The following PPP1R27 variants were observed in gnomAD, a reference collection of about 807,000 sequenced individuals.
PPP1R27 encodes dysferlin interacting protein 1.
PPP1R27 carries 10 observed loss-of-function variants against 12.0 expected under a neutral mutation model. The observed-to-expected ratio is 0.84, with a 90% CI of 0.52 to 1.42. The LOEUF is 1.42. PPP1R27 is among the 40% of genes most tolerant of loss of function. The probability of loss-of-function intolerance (pLI) is 0.00; values close to 1 mark genes in which losing one functional copy is unlikely to be tolerated. For synonymous variants in PPP1R27, 98 were observed against 89.3 expected (o/e 1.10, Z -0.55); for missense variants, 246 against 215.3 (o/e 1.14, Z -0.89).
At chr17:81,834,444 G>T in intron 2 of PPP1R27, 59 bp downstream of exon 2, 1 of 1,576,708 alleles carries the variant, frequency 6.3e-7, no homozygotes, top group Non-Finnish European at 8.7e-7. Context: ...CCATCCTGGG[G>T]ACCCACTGAG....
intron 2 of PPP1R27, 61 bp from the exon 3 acceptor site, chr17:81,833,913 C>T (rs1038398995): frequency 3.8e-6 from 6 of 1,559,786 alleles, no homozygotes; most frequent in Admixed American, 3.8e-5. Flanking sequence ...CTCGCCCCAA[C>T]CCGGGTCAGA....
Position 81,835,050 on chromosome 17 carries a change from G to T in PPP1R27, c.-97C>A, listed in dbSNP as rs751682621. The T allele has an allele frequency of 9.3e-6, 12 of 1,293,034 alleles. No homozygotes were observed. The highest frequency in any genetic ancestry group is 1.2e-5 in the Non-Finnish European group (12 of 968,402). The allele number at this position is 1,293,034 out of a possible 1,614,324, so 80.1% of individuals were successfully genotyped here. On this transcript the variant is annotated 5_prime_UTR_variant, in exon 1 of 3. Transcript: ENST00000330261. The stretch of plus-strand genomic sequence containing the variant: ...CCAGATCAGCTTGAGGGCTCCTGTC[G>T]GACGAGCCCCGGCCTCTGACTTGCT...
At chr17:81,834,116 T>G (rs1385757045) in intron 2 of PPP1R27, 5 of 480,632 alleles carry the variant, frequency 1.0e-5, no homozygotes, top group Non-Finnish European at 1.8e-5. Flanking sequence ...TTTTTTTTGT[T>G]TTTTGAGACA....
chr17:81,833,503 G>C lies in PPP1R27; in HGVS notation c.*226C>G. On this transcript the variant is annotated 3_prime_UTR_variant, in exon 3 of 3. Transcript: ENST00000330261. ...CACCACCACAGGGACCACGTGTGTA[G>C]ACCCAGGCCCCCTCACCTGGGAGTC... 1 of 529,558 alleles carries C rather than the reference G, an allele frequency of 1.9e-6. No individual in the cohort carries two copies. The highest frequency in any genetic ancestry group is 2.2e-5 in the South Asian group (1 of 46,350). 32.8% of individuals were successfully genotyped at this position (529,558 alleles called of 1,614,324 possible).
chr17:81,834,530 C>A lies in PPP1R27; in HGVS notation c.314G>T (p.Cys105Phe), dbSNP rs777319997. The A allele has an allele frequency of 5.6e-6, 9 of 1,613,974 alleles. No individual in the cohort carries two copies. Among genetic ancestry groups the A allele is most frequent in the Non-Finnish European group, 6.8e-6 (8 of 1,179,960 alleles). Residue 105 changes from cysteine (C) to phenylalanine (F), a missense_variant, in exon 2 of 3, where the codon TGC (cysteine) becomes TTC (phenylalanine). Coordinates refer to ENST00000330261, the MANE Select transcript of PPP1R27 (RefSeq NM_001007533.4). ...GGCTATGTCAGGGTACCCATCGCTG[C>A]AGGCAATGTGCAGGGGTGTCCAGCC... ...EAGWTPLHIACSDGYPDIARY... is the reference protein window; with the variant it reads ...EAGWTPLHIAFSDGYPDIARY...
chr17:81,833,916 G>T, intron 2 of PPP1R27, 64 bp from the exon 3 acceptor site: 1 of 1,551,622 alleles, frequency 6.4e-7, no homozygotes, highest in African/African-American at 1.4e-5. Context: ...GCCCCAACCC[G>T]GGTCAGAGGG....
At chr17:81,834,267 A>AATT (rs1448881229) in intron 2 of PPP1R27, 1 of 522,444 alleles carries the variant, frequency 1.9e-6, no homozygotes, top group East Asian at 3.2e-5. Flanking sequence ...ACGCGTGGCT[A>AATT]ATTTTGTATT....
rs1156813076 is a variant in PPP1R27, at chr17:81,834,919, C to T, written c.35G>A (p.Ser12Asn). The stretch of plus-strand genomic sequence containing the variant: ...CATCCGCCGCCGCCGCTGCCGTGGG[C>T]TGTAGCGGGCATAGCGGGCAGTTCT... ...PSRTARYARY[S>N]PRQRRRRMLA... is the part of the protein sequence containing the mutation. The change falls in exon 1 of 3, where the codon AGC becomes AAC. Residue 12 changes from serine to asparagine, a missense_variant. By Grantham distance (46) the Ser-to-Asn change is conservative. Coordinates refer to ENST00000330261, the MANE Select transcript of PPP1R27 (RefSeq NM_001007533.4). The T allele has an allele frequency of 1.2e-6, 2 of 1,611,560 alleles. No homozygotes were observed. Among genetic ancestry groups the T allele is most frequent in the Non-Finnish European group, 1.7e-6 (2 of 1,179,188 alleles).
intron 2 of PPP1R27, 49 bp downstream of exon 2, chr17:81,834,454 G>T: frequency 6.3e-7 from 1 of 1,596,630 alleles, no homozygotes; most frequent in South Asian, 1.1e-5. Flanking sequence ...GACCCACTGA[G>T]GCCCGGAGGG....
At chr17:81,834,023 C>G in intron 2 of PPP1R27, 171 bp from the exon 3 acceptor site, 1 of 709,160 alleles carries the variant, frequency 1.4e-6, no homozygotes, top group African/African-American at 1.8e-5. Context: ...AAGCTGTGGC[C>G]AGCTTTTCAA....
In PPP1R27 at chr17:81,834,501, A is replaced by AC. The variant is rs2038586715; in HGVS notation, c.341+1dup. ...GCCTGTGTAGACCCAGGGCCCCCTCACCTGGCTATGTCAGGGTACCCATCG... is the reference window on the plus strand; with the variant it reads ...GCCTGTGTAGACCCAGGGCCCCCTCACCCTGGCTATGTCAGGGTACCCATCG... On this transcript the variant is annotated splice_donor_variant, in intron 2 of 2. Transcript: ENST00000330261. LOFTEE classifies it high-confidence loss of function. 2.5e-6 allele frequency: 4 copies of AC among 1,613,612 alleles called. No homozygotes were observed. The highest frequency in any genetic ancestry group is 3.4e-6 in the Non-Finnish European group (4 of 1,179,946).
At chr17:81,833,934 C>A in intron 2 of PPP1R27, 82 bp from the exon 3 acceptor site, 1 of 1,489,344 alleles carries the variant, frequency 6.7e-7, no homozygotes, top group Non-Finnish European at 9.0e-7. Flanking sequence ...GGGCCAGAGT[C>A]CTGGGGTCAC....
intron 2 of PPP1R27, 23 bp from the exon 3 acceptor site, chr17:81,833,875 G>A (rs552432896): frequency 1.3e-6 from 2 of 1,591,978 alleles, no homozygotes; most frequent in East Asian, 2.3e-5. Context: ...GGTCGCTCTG[G>A]CTGAAGCGGG....
intron 2 of PPP1R27, chr17:81,834,121 G>C (rs188241633): frequency 2.1e-6 from 1 of 474,552 alleles, no homozygotes; most frequent in East Asian, 3.5e-5. Context: ...TTTGTTTTTT[G>C]AGACAGAATT....
intron 2 of PPP1R27, 104 bp downstream of exon 2, chr17:81,834,399 C>A: frequency 7.3e-7 from 1 of 1,374,470 alleles, no homozygotes; most frequent in South Asian, 1.3e-5. Context: ...CTCTAGGGTT[C>A]TTGCCGACAC....
chr17:81,834,224 C>G (rs760667055), intron 2 of PPP1R27: 23 of 484,708 alleles, frequency 4.7e-5, no homozygotes, highest in Non-Finnish European at 7.8e-5. Flanking sequence ...CTGCCTCAGC[C>G]TTGAGTAGCT....
chr17:81,834,026 CT>C (rs2038579179), intron 2 of PPP1R27, 174 bp from the exon 3 acceptor site: 2 of 688,828 alleles, frequency 2.9e-6, no homozygotes, highest in Non-Finnish European at 4.7e-6. Flanking sequence ...CTGTGGCCAG[CT>C]TTTCAAGTTG....
rs2038589423 is a variant in PPP1R27 at position 81,834,601 on chromosome 17, C to T, written c.243G>A (p.Lys81=). The T allele has an allele frequency of 6.2e-7, 1 of 1,614,226 alleles. No homozygotes were observed. Among genetic ancestry groups the T allele is most frequent in the Non-Finnish European group, 8.5e-7 (1 of 1,180,032 alleles). ...TGTCAGCCCCGTATTTGACCAGCAG[C>T]TTCACGCATTCCAGGTTTCCAGAGA... ...AVLSGNLECV[K]LLVKYGADIH... The change falls in exon 2 of 3, where the codon AAG becomes AAA. Residue 81 remains lysine (K), a synonymous_variant. Coordinates refer to ENST00000330261, the MANE Select transcript of PPP1R27 (RefSeq NM_001007533.4).
intron 2 of PPP1R27, 121 bp downstream of exon 2, chr17:81,834,382 C>T: frequency 8.5e-7 from 1 of 1,172,038 alleles, no homozygotes; most frequent in African/African-American, 1.5e-5. Flanking sequence ...GAGCCACCGC[C>T]CCCAGCCTCT....
Sources: gnomAD v4.1 joint callset for allele counts on GRCh38, gnomAD v4.1.1 for gene constraint, MANE v1.5 for transcripts, NCBI Gene and HGNC (gene_info 2026-07-23, HGNC 2026-07-21) for gene names.